SCN2B: variants seen among roughly 807,000 people sequenced by gnomAD.
SCN2B encodes the protein sodium voltage-gated channel beta subunit 2, also known as sodium channel regulatory subunit beta-2.
A neutral mutation model predicts 18.2 loss-of-function variants in SCN2B; 14 were observed. The observed-to-expected ratio is 0.77, with a 90% CI of 0.51 to 1.21. SCN2B has a LOEUF of 1.21. Ranked by LOEUF, SCN2B falls within the 50% of genes most tolerant of loss-of-function variation. The pLI, the probability that SCN2B is intolerant of heterozygous loss-of-function variation, is 0.00. For synonymous variants in SCN2B, 115 were observed against 115.3 expected, an observed-to-expected ratio of 1.00 and a Z score of 0.02; for missense variants, 262 against 286.9, an observed-to-expected ratio of 0.91 and a Z score of 0.63.
rs1162918445 is a variant in SCN2B, at chr11:118,174,091, C to CTTTTTTTTTTTTTTTTTTTTTTT, written c.70+2248_70+2270dup. 6.0e-5 allele frequency among the ~76,000 whole-genome samples: 4 copies of CTTTTTTTTTTTTTTTTTTTTTTT among 66,662 alleles called. 1 individual carries two copies. The highest frequency in any genetic ancestry group is 2.2e-4 in the Admixed American group (1 of 4,474). The allele number at this position is 66,662 out of a possible 152,430, so 43.7% of individuals were successfully genotyped here. A position where few individuals can be genotyped will look rare whatever the true frequency, so the allele number is the denominator to read the frequency against. ...ACCATGCCTGGCTTATTTTTCTTTTCTTTTTTTTTTTTTTTTTTTTTTTTT... is the reference window on the plus strand; with the variant it reads ...ACCATGCCTGGCTTATTTTTCTTTTCTTTTTTTTTTTTTTTTTTTTTTTTTTTTTTTTTTTTTTTTTTTTTTTT... On this transcript the variant is annotated intron_variant, in intron 1 of 3. Transcript: ENST00000278947.
intron 1 of SCN2B, 67 bp downstream of exon 1, chr11:118,176,295 C>A: frequency 7.3e-7 from 1 of 1,374,684 alleles, no homozygotes; most frequent in East Asian, 2.3e-5. Context: ...TATCCCCTGC[C>A]CCCATCCTCT....
At chr11:118,173,823 G>A (rs1299984866) in intron 1 of SCN2B, among the ~76,000 whole-genome samples, 1 of 152,176 alleles carries the variant, frequency 6.6e-6, no homozygotes, top group African/African-American at 2.4e-5. Flanking sequence ...AAAGGAAGAA[G>A]AGACAGCTTT....
intron 3 of SCN2B, 22 bp from the exon 4 acceptor site, chr11:118,167,108 T>A: frequency 6.2e-7 from 1 of 1,605,268 alleles, no homozygotes; most frequent in Non-Finnish European, 8.5e-7. Flanking sequence ...GCAGAGCCAC[T>A]GAGCACCAGG....
rs146758644 is a variant in SCN2B, at chr11:118,166,992, C to T, written c.543G>A (p.Lys181=). Residue 181 remains lysine (K), a synonymous_variant, in exon 4 of 4, where the codon AAG becomes AAA. Transcript: ENST00000278947. ...AVVILVLMVV[K]CVRRKKEQKL... is the part of the protein sequence containing the mutation. ...TCTGCTCTTTTTTTCTCCTCACACA[C>T]TTGACCACCATCAGCACCAAGATGA... The T allele has an allele frequency of 1.9e-6, 3 of 1,614,106 alleles. No individual in the cohort carries two copies. The highest frequency in any genetic ancestry group is 2.5e-6 in the Non-Finnish European group (3 of 1,180,034).
chr11:118,168,479 T>G lies in SCN2B; in HGVS notation c.237+106A>C. 1 of 1,483,254 alleles carries G rather than the reference T, an allele frequency of 6.7e-7. No homozygotes were observed. The highest frequency in any genetic ancestry group is 9.4e-7 in the Non-Finnish European group (1 of 1,062,748). 91.9% of individuals were successfully genotyped at this position (1,483,254 alleles called of 1,614,324 possible). On this transcript the variant is annotated intron_variant, in intron 2 of 3. Transcript: ENST00000278947. This position sits in a 1 kb window ranked among gnomAD's most constrained non-coding sequence, Gnocchi z 4.7. Reference sequence around the variant, plus strand: ...TCCAGAGCACGCAGCCCACCCAGGGTCCTCTGGGGCCCTAGCGCAGTGCCG... The same window carrying G: ...TCCAGAGCACGCAGCCCACCCAGGGGCCTCTGGGGCCCTAGCGCAGTGCCG...
rs1948402216 is a variant in SCN2B, at chr11:118,168,276, T to C, written c.257A>G (p.Lys86Arg). ...CCGCTCCAGCTTCAGGTTAATGATC[T>C]TCATGCGGAACTGGAGGAACTGGGG... ...SEEMFLQFRM[K>R]IINLKLERFQ... The change falls in exon 3 of 4, where the codon AAG becomes AGG. Residue 86 changes from lysine (K) to arginine (R), a missense_variant. By Grantham distance (26) the Lys-to-Arg change is conservative. Coordinates refer to ENST00000278947, the MANE Select transcript of SCN2B (RefSeq NM_004588.5). This position sits in a 1 kb window ranked among gnomAD's most constrained non-coding sequence, Gnocchi z 4.7. The C allele has an allele frequency of 6.2e-7, 1 of 1,614,198 alleles. No homozygotes were observed. The highest frequency in any genetic ancestry group is 1.1e-5 in the South Asian group (1 of 91,076).
intron 3 of SCN2B, 108 bp from the exon 4 acceptor site, chr11:118,167,194 C>T (rs1255928425): frequency 1.0e-5 from 12 of 1,193,886 alleles, no homozygotes; most frequent in South Asian, 1.5e-5. Context: ...CTCTCCTCCA[C>T]AGACAGGACT....
chr11:118,176,244 C>T (rs1948467186), intron 1 of SCN2B, 118 bp downstream of exon 1: 6 of 979,870 alleles, frequency 6.1e-6, no homozygotes, highest in Admixed American at 3.6e-5. Flanking sequence ...ACCTCCCCTC[C>T]CAAGGACACA....
Position 118,168,312 on chromosome 11 carries a change from G to T in SCN2B, c.238-17C>A. 1 of 1,606,582 alleles carries T rather than the reference G, an allele frequency of 6.2e-7. No individual in the cohort carries two copies. Among genetic ancestry groups the T allele is most frequent in the Non-Finnish European group, 8.5e-7 (1 of 1,173,208 alleles). On this transcript the variant is annotated splice_polypyrimidine_tract_variant and intron_variant, in intron 2 of 3. Transcript: ENST00000278947. The surrounding 1 kb of genome is among the most constrained non-coding windows in gnomAD (Gnocchi z 4.7). The stretch of plus-strand genomic sequence containing the variant: ...CTGGAGGAACTGGGGTTGGAGCAAG[G>T]GACAGGATGGGTGGCTGGATGAGCA...
intron 1 of SCN2B, among the ~76,000 whole-genome samples, chr11:118,173,323 AG>A (rs146475476): frequency 0.047 from 7,092 of 152,176 alleles, 246 homozygotes; most frequent in Non-Finnish European, 0.072. Context: ...TTTTTGCTTC[AG>A]GTTGAGAAGC....
At position 118,168,004 on chromosome 11, in the gene SCN2B, C is replaced by T. The variant is rs1199510326; in HGVS notation, c.448+81G>A. On this transcript the variant is annotated intron_variant, in intron 3 of 3. Coordinates refer to ENST00000278947, the MANE Select transcript of SCN2B (RefSeq NM_004588.5). This position sits in a 1 kb window ranked among gnomAD's most constrained non-coding sequence, Gnocchi z 4.7. ...CCATCCTCAGGAGGGCCTGGCCTCC[C>T]CAAAGTGCCCTGAGCAAATGCCGCA... 1 of 1,253,174 alleles carries T rather than the reference C, an allele frequency of 8.0e-7. No individual in the cohort carries two copies. Among genetic ancestry groups the T allele is most frequent in the Non-Finnish European group, 1.1e-6 (1 of 873,042 alleles). The allele number at this position is 1,253,174 out of a possible 1,614,324, so 77.6% of individuals were successfully genotyped here.
chr11:118,173,998 C>G (rs1948448263), intron 1 of SCN2B, among the ~76,000 whole-genome samples: 1 of 151,642 alleles, frequency 6.6e-6, no homozygotes, highest in African/African-American at 2.4e-5. Flanking sequence ...TCACGGCTCA[C>G]TGCAGCCTGG....
intron 1 of SCN2B, among the ~76,000 whole-genome samples, chr11:118,169,569 C>T (rs1288090540): frequency 6.6e-6 from 1 of 152,154 alleles, no homozygotes; most frequent in Non-Finnish European, 1.5e-5. Flanking sequence ...TTGCAACAGA[C>T]AAGAAAGAGG....
At position 118,164,691 on chromosome 11, in the gene SCN2B, T is replaced by A. The variant is rs1429861305; in HGVS notation, c.*2196A>T. 1 of 152,716 alleles carries A rather than the reference T, an allele frequency of 6.5e-6. No homozygotes were observed. The allele number at this position is 152,716 out of a possible 1,614,324, so 9.5% of individuals were successfully genotyped here. ...AAGCAGTGTCTTGCAGAGGTGGAAT[T>A]AGATGCACCAAAAAGTTAATCTTGG... On this transcript the variant is annotated 3_prime_UTR_variant, in exon 4 of 4. Transcript: ENST00000278947.
At chr11:118,170,805 A>G (rs1278029686) in intron 1 of SCN2B, among the ~76,000 whole-genome samples, 3 of 152,134 alleles carry the variant, frequency 2.0e-5, no homozygotes, top group African/African-American at 7.2e-5. Flanking sequence ...GGTAGCTGCT[A>G]TTATCCTCAA....
In SCN2B at chr11:118,166,651, T is replaced by G; in HGVS notation, c.*236A>C. ...CCAGGGACTGGCAGGTGGGAGCCCT[T>G]TCTCTCCTCTCCCCAGGGCCCACAC... On this transcript the variant is annotated 3_prime_UTR_variant, in exon 4 of 4. Coordinates refer to ENST00000278947, the MANE Select transcript of SCN2B (RefSeq NM_004588.5). 1 of 568,512 alleles carries G rather than the reference T, an allele frequency of 1.8e-6. No individual in the cohort carries two copies. Among genetic ancestry groups the G allele is most frequent in the Non-Finnish European group, 3.2e-6 (1 of 316,964 alleles). 35.2% of individuals were successfully genotyped at this position (568,512 alleles called of 1,614,324 possible).
At chr11:118,171,916 G>C (rs1948434246) in intron 1 of SCN2B, among the ~76,000 whole-genome samples, 1 of 152,244 alleles carries the variant, frequency 6.6e-6, no homozygotes, top group African/African-American at 2.4e-5. Context: ...TTGTTTTACC[G>C]GTGAGGAAAG....
chr11:118,173,472 G>A (rs1948444946), intron 1 of SCN2B, among the ~76,000 whole-genome samples: 2 of 152,260 alleles, frequency 1.3e-5, no homozygotes, highest in South Asian at 2.1e-4. Context: ...CATGACTTGA[G>A]GGCAGAATGG....
At chr11:118,174,095 T>TGTTGTTG (rs56848852) in intron 1 of SCN2B, among the ~76,000 whole-genome samples, 2 of 117,906 alleles carry the variant, frequency 1.7e-5, no homozygotes, top group African/African-American at 7.0e-5. Flanking sequence ...TCTTTTCTTT[T>TGTTGTTG]TTTTTTTTTT....
Sources: gnomAD v4.1 joint callset for allele counts (sites outside exome capture counted in the v4.1 genomes callset) on GRCh38, gnomAD v4.1.1 for gene constraint, Gnocchi (gnomAD v3.1) non-coding constraint, MANE v1.5 for transcripts, NCBI Gene and HGNC (gene_info 2026-07-23, HGNC 2026-07-21) for gene names.